RELCH: variants seen among roughly 807,000 people sequenced by gnomAD.
RELCH encodes the protein RAB11-binding protein RELCH.
A neutral mutation model predicts 150.3 loss-of-function variants in RELCH; 41 were observed. The observed-to-expected ratio is 0.27, with a 90% CI of 0.21 to 0.35. The LOEUF is 0.35. Among genes scored for constraint, RELCH ranks in the 10% least tolerant of loss-of-function variants. RELCH has a pLI of 1.00. For missense variants in RELCH, 1,092 were observed against 1,467.8 expected (o/e 0.74, Z 4.18); for synonymous variants, 478 against 531.8 (o/e 0.90, Z 1.39).
At position 62,255,489 on chromosome 18, in the gene RELCH, C is replaced by CTTT; in HGVS notation, c.1896+20_1896+22dup. ...GCACCTTACCTTCCTGTAAGATTGTCTTTTTTTTTTTCTTTAAACTATTTT... is the reference window on the plus strand; with the variant it reads ...GCACCTTACCTTCCTGTAAGATTGTCTTTTTTTTTTTTTTCTTTAAACTATTTT... On this transcript the variant is annotated intron_variant, in intron 13 of 28. Transcript: ENST00000644646. 1.6e-6 allele frequency: 2 copies of CTTT among 1,259,266 alleles called. No individual in the cohort carries two copies. Among genetic ancestry groups the CTTT allele is most frequent in the African/African-American group, 1.6e-5 (1 of 63,750 alleles). 78.0% of individuals were successfully genotyped at this position (1,259,266 alleles called of 1,614,324 possible).
intron 12 of RELCH, 94 bp from the exon 13 acceptor site, chr18:62,255,313 A>C: frequency 1.1e-6 from 1 of 883,518 alleles, no homozygotes; most frequent in East Asian, 2.4e-5. Context: ...GCTTTATTGC[A>C]TTCTTAACAG....
intron 22 of RELCH, 112 bp downstream of exon 22, chr18:62,275,585 A>G (rs775043428): frequency 1.4e-6 from 1 of 697,918 alleles, no homozygotes; most frequent in Non-Finnish European, 2.5e-6. Context: ...TTATGTTGAT[A>G]TATATTTTAT....
At chr18:62,201,636 C>T (rs2039452502) in intron 1 of RELCH, among the ~76,000 whole-genome samples, 1 of 152,080 alleles carries the variant, frequency 6.6e-6, no homozygotes, top group South Asian at 2.1e-4. Context: ...TGTACTTCTG[C>T]TTCTCAGAGT....
intron 26 of RELCH, 49 bp from the exon 27 acceptor site, chr18:62,291,494 G>T (rs1281517468): frequency 9.3e-7 from 1 of 1,078,546 alleles, no homozygotes; most frequent in South Asian, 1.3e-5. Flanking sequence ...TGTTCTGTTG[G>T]ACATACCAAT....
chr18:62,248,669 A>T (rs2042545839), intron 11 of RELCH, among the ~76,000 whole-genome samples: 1 of 152,206 alleles, frequency 6.6e-6, no homozygotes, highest in Non-Finnish European at 1.5e-5. Flanking sequence ...TTATTAAAAA[A>T]TGTTTATGCT....
At position 62,307,366 on chromosome 18, in the gene RELCH, ATG is replaced by A. The variant is rs1229108212; in HGVS notation, c.*1836_*1837del. ...GATTTGCTTCAAACTATAGTAGAAT[ATG>A]TGTATGTTTGTTATCAGGTGAATGG... On this transcript the variant is annotated 3_prime_UTR_variant, in exon 29 of 29. Transcript: ENST00000644646. The A allele has an allele frequency of 6.6e-6, 1 of 152,108 alleles. No individual in the cohort carries two copies. Among genetic ancestry groups the A allele is most frequent in the Non-Finnish European group, 1.5e-5 (1 of 67,988 alleles). 9.4% of individuals were successfully genotyped at this position (152,108 alleles called of 1,614,324 possible). A position where few individuals can be genotyped will look rare whatever the true frequency, so the allele number is the denominator to read the frequency against.
chr18:62,227,539 C>G (rs371242920), intron 6 of RELCH, 47 bp downstream of exon 6: 5 of 1,566,394 alleles, frequency 3.2e-6, no homozygotes, highest in Non-Finnish European at 4.4e-6. Flanking sequence ...AGTATTTAAA[C>G]TATGTAAAAG....
chr18:62,231,212 C>A lies in RELCH; in HGVS notation c.1467C>A (p.Phe489Leu). ...DKPNRKLSPA[F>L]HQALLSFCRM... ...CTTCTAGGAAATTGTCTCCTGCATT[C>A]CATCAAGCACTACTCTCTTTTTGTC... The change falls in exon 9 of 29, where the codon TTC becomes TTA. Residue 489 changes from phenylalanine to leucine, a missense_variant. Physicochemically the swap from Phe to Leu is conservative, Grantham distance 22 (BLOSUM62 0). This residue lies in a region of RELCH where 707 missense variants were observed against 1,025.4 expected (regional missense o/e 0.69). Transcript: ENST00000644646. 1 of 1,602,934 alleles carries A rather than the reference C, an allele frequency of 6.2e-7. No homozygotes were observed. Among genetic ancestry groups the A allele is most frequent in the Non-Finnish European group, 8.5e-7 (1 of 1,171,902 alleles).
rs2043092941 is a variant in RELCH, at chr18:62,258,443, T to C, written c.2038-69T>C. The C allele has an allele frequency of 3.8e-6, 5 of 1,317,446 alleles. No individual in the cohort carries two copies. In the South Asian group the frequency reaches 5.4e-5, roughly 14 times the overall value. 81.6% of individuals were successfully genotyped at this position (1,317,446 alleles called of 1,614,324 possible). On this transcript the variant is annotated intron_variant, in intron 14 of 28. Transcript: ENST00000644646. The stretch of plus-strand genomic sequence containing the variant: ...CTTAATTTATTGAAATTTTTATTAC[T>C]TTTTATTAAGTGTTTTATTTTAAGT...
At chr18:62,260,521 C>T (rs770203037) in intron 15 of RELCH, among the ~76,000 whole-genome samples, 11 of 151,852 alleles carry the variant, frequency 7.2e-5, no homozygotes. Context: ...CTGTAATCCA[C>T]CAATCCCACC....
intron 1 of RELCH, among the ~76,000 whole-genome samples, chr18:62,210,848 CTCTT>C (rs1401925238): frequency 6.6e-6 from 1 of 152,162 alleles, no homozygotes; most frequent in African/African-American, 2.4e-5. Context: ...AATCTGTAAA[CTCTT>C]TCTTAGGTGG....
chr18:62,244,462 T>C (rs1273265915), intron 10 of RELCH, among the ~76,000 whole-genome samples: 2 of 152,214 alleles, frequency 1.3e-5, no homozygotes, highest in Non-Finnish European at 2.9e-5. Flanking sequence ...GCATGTCACA[T>C]GATGGAATGT....
At chr18:62,216,544 G>A (rs1410581869) in intron 2 of RELCH, among the ~76,000 whole-genome samples, 1 of 152,030 alleles carries the variant, frequency 6.6e-6, no homozygotes, top group Non-Finnish European at 1.5e-5. Flanking sequence ...ATCAGTTAAT[G>A]TTTCAGATTT....
Position 62,187,860 on chromosome 18 carries a change from G to T in RELCH, c.355G>T (p.Glu119Ter). 1 of 1,593,938 alleles carries T rather than the reference G, an allele frequency of 6.3e-7. No individual in the cohort carries two copies. Among genetic ancestry groups the T allele is most frequent in the Non-Finnish European group, 8.5e-7 (1 of 1,170,578 alleles). ...TALELHTELL[E>*]SGRELPRLRD... ...CCTGGAGCTGCATACCGAGCTGTTAGAGAGTGGCCGGGAGCTGCCTCGGCT... is the reference window on the plus strand; with the variant it reads ...CCTGGAGCTGCATACCGAGCTGTTATAGAGTGGCCGGGAGCTGCCTCGGCT... Residue 119 changes from glutamate (E) to a stop codon, truncating the protein, a stop_gained, in exon 1 of 29, where the codon GAG becomes TAG. Transcript: ENST00000644646. LOFTEE classifies it high-confidence loss of function.
intron 1 of RELCH, among the ~76,000 whole-genome samples, chr18:62,193,896 C>G (rs7231922): frequency 0.026 from 4,032 of 152,164 alleles, 177 homozygotes; most frequent in African/African-American, 0.091. Flanking sequence ...TGTGCATTAT[C>G]AAATGTGAAT....
At chr18:62,220,562 AT>A (rs747670676) in intron 2 of RELCH, among the ~76,000 whole-genome samples, 61 of 151,880 alleles carry the variant, frequency 4.0e-4, no homozygotes, top group Non-Finnish European at 8.0e-4. Context: ...TAGATAATGC[AT>A]TTTAAGTTAA....
intron 27 of RELCH, among the ~76,000 whole-genome samples, chr18:62,295,891 G>C (rs760770716): frequency 2.6e-5 from 4 of 152,114 alleles, no homozygotes; most frequent in Non-Finnish European, 5.9e-5. Flanking sequence ...AAGGTTTTAA[G>C]TATTGTTTTA....
At chr18:62,225,846 A>C (rs2148400650) in intron 5 of RELCH, among the ~76,000 whole-genome samples, 1 of 151,908 alleles carries the variant, frequency 6.6e-6, no homozygotes, top group African/African-American at 2.4e-5. Flanking sequence ...TGGGCCAAGC[A>C]CTGTGTTAAG....
rs372053442 is a variant in RELCH, at chr18:62,196,055, A to G, written c.526+8024A>G. On this transcript the variant is annotated intron_variant, in intron 1 of 28. Transcript: ENST00000644646. ...CTCAGAACTCTGAAAGCATATATCTAACTATGCTCGGTGTTCCTTTCTTAG... is the reference window on the plus strand; with the variant it reads ...CTCAGAACTCTGAAAGCATATATCTGACTATGCTCGGTGTTCCTTTCTTAG... Among the ~76,000 whole-genome samples the G allele has an allele frequency of 1.4e-4, 21 of 152,210 alleles. 1 individual carries two copies. In the South Asian group the frequency reaches 4.1e-3, roughly 30 times the overall value.
Sources: gnomAD v4.1 joint callset for allele counts (sites outside exome capture counted in the v4.1 genomes callset) on GRCh38, gnomAD v4.1.1 for gene constraint, gnomAD v4.1.1 regional missense constraint, MANE v1.5 for transcripts, NCBI Gene and HGNC (gene_info 2026-07-23, HGNC 2026-07-21) for gene names.